Variants in EMILIN2 observed in about 807,000 individuals in gnomAD.
EMILIN2 encodes the protein elastin microfibril interfacer 2.
A neutral mutation model predicts 87.1 loss-of-function variants in EMILIN2; 71 were observed. That is an observed-to-expected ratio of 0.82 (90% confidence interval 0.67 to 0.99). The LOEUF is 0.99. Ranked by LOEUF, EMILIN2 falls within the 50% of genes least tolerant of loss-of-function variation. The pLI is 0.00. For missense variants in EMILIN2, 1,407 were observed against 1,371.8 expected (o/e 1.03, Z -0.40); for synonymous variants, 581 against 563.4 (o/e 1.03, Z -0.44).
At position 2,913,858 on chromosome 18, in the gene EMILIN2, G is replaced by A. The variant is rs752543389; in HGVS notation, c.*454G>A. 1.9e-4 allele frequency: 31 copies of A among 161,520 alleles called. No individual in the cohort carries two copies. The highest frequency in any genetic ancestry group is 3.3e-3 in the Middle Eastern group (1 of 300). The allele number at this position is 161,520 out of a possible 1,614,324, so 10.0% of individuals were successfully genotyped here. A position where few individuals can be genotyped will look rare whatever the true frequency, so the allele number is the denominator to read the frequency against. Reference sequence around the variant, plus strand: ...AAACACTGAAGTGCCGAAGTGGCCCGTGCCGCCGCACAGAGACCCCGACTT... The same window carrying A: ...AAACACTGAAGTGCCGAAGTGGCCCATGCCGCCGCACAGAGACCCCGACTT... On this transcript the variant is annotated 3_prime_UTR_variant, in exon 8 of 8. Coordinates refer to ENST00000254528, the MANE Select transcript of EMILIN2 (RefSeq NM_032048.3).
upstream of EMILIN2, chr18:2,846,795 A>G (rs1020020719): frequency 3.0e-6 from 3 of 985,310 alleles, no homozygotes; most frequent in Middle Eastern, 5.2e-4. The surrounding 1 kb of genome is among the most constrained non-coding windows in gnomAD (Gnocchi z 5.3). Flanking sequence ...GGAATGAGTC[A>G]TTGGAAATGC....
At chr18:2,903,989 C>A (rs756073974) in intron 4 of EMILIN2, among the ~76,000 whole-genome samples, 1 of 152,134 alleles carries the variant, frequency 6.6e-6, no homozygotes, top group Non-Finnish European at 1.5e-5. Context: ...TTTCCCAATA[C>A]CTTTTTAAGA....
At chr18:2,851,007 G>A (rs1159057729) in intron 2 of EMILIN2, among the ~76,000 whole-genome samples, 1 of 151,096 alleles carries the variant, frequency 6.6e-6, no homozygotes, top group Non-Finnish European at 1.5e-5. Flanking sequence ...TGCAGGCATT[G>A]TAATTTGTGT....
At position 2,848,229 on chromosome 18, in the gene EMILIN2, A is replaced by G. The variant is rs964158889; in HGVS notation, c.257+298A>G. The stretch of plus-strand genomic sequence containing the variant: ...TCCCACTTCTGTTTTCTCCCTTTCA[A>G]TGTTTGTTTGTAACATAAGGCAGCT... On this transcript the variant is annotated intron_variant, in intron 2 of 7. Transcript: ENST00000254528. The surrounding 1 kb of genome is among the most constrained non-coding windows in gnomAD (Gnocchi z 4.1). Among the ~76,000 whole-genome samples the G allele has an allele frequency of 6.6e-6, 1 of 152,134 alleles. No individual in the cohort carries two copies. Among genetic ancestry groups the G allele is most frequent in the African/African-American group, 2.4e-5 (1 of 41,426 alleles).
intron 3 of EMILIN2, among the ~76,000 whole-genome samples, chr18:2,888,549 A>G (rs1238850086): frequency 1.3e-5 from 2 of 152,012 alleles, no homozygotes; most frequent in Non-Finnish European, 2.9e-5. Flanking sequence ...CCCCATCTCT[A>G]CCAAAAATAC....
chr18:2,905,775 G>GTTTTTTTTTTTTTT (rs1006831509), intron 4 of EMILIN2, among the ~76,000 whole-genome samples: 1 of 92,714 alleles, frequency 1.1e-5, no homozygotes, highest in Non-Finnish European at 2.2e-5. Flanking sequence ...GCTAATTTTT[G>GTTTTTTTTTTTTTT]TTTTTTTGTT....
In EMILIN2 at chr18:2,847,139, T is replaced by C. The variant is rs1336709749; in HGVS notation, c.-50T>C. ...GGCAGCCTTGTGGCCGGTGCCCCGA[T>C]CCGCCGCGCTCCGGACCCGGGCAGG... On this transcript the variant is annotated 5_prime_UTR_variant, in exon 1 of 8. Coordinates refer to ENST00000254528, the MANE Select transcript of EMILIN2 (RefSeq NM_032048.3). This position sits in a 1 kb window ranked among gnomAD's most constrained non-coding sequence, Gnocchi z 4.5. 4.7e-6 allele frequency: 5 copies of C among 1,061,790 alleles called. No individual in the cohort carries two copies. Among genetic ancestry groups the C allele is most frequent in the Non-Finnish European group, 5.7e-6 (5 of 881,774 alleles). The allele number at this position is 1,061,790 out of a possible 1,614,324, so 65.8% of individuals were successfully genotyped here. A position where few individuals can be genotyped will look rare whatever the true frequency, so the allele number is the denominator to read the frequency against.
chr18:2,909,742 C>T lies in EMILIN2; in HGVS notation c.2747C>T (p.Pro916Leu). The T allele has an allele frequency of 6.2e-7, 1 of 1,613,818 alleles. No homozygotes were observed. Among genetic ancestry groups the T allele is most frequent in the Non-Finnish European group, 8.5e-7 (1 of 1,179,892 alleles). The part of the protein sequence containing the change: ...VSFSAGLTQK[P>L]FPSDGGVVLF... ...TTTTCTGCGGGGCTCACCCAGAAGC[C>T]TTTCCCCAGTGATGGGGGCGTTGTC... Residue 916 changes from proline to leucine, a missense_variant, in exon 7 of 8, where the codon CCT becomes CTT. Coordinates refer to ENST00000254528, the MANE Select transcript of EMILIN2 (RefSeq NM_032048.3).
At position 2,880,103 on chromosome 18, in the gene EMILIN2, C is replaced by A. The variant is rs974236919; in HGVS notation, c.258-4861C>A. ...TACAGTCTGGCAGGGAGGACAAACA[C>A]GGAGTAAGCAAACACAAGTGTGAAC... On this transcript the variant is annotated intron_variant, in intron 2 of 7. Coordinates refer to ENST00000254528, the MANE Select transcript of EMILIN2 (RefSeq NM_032048.3). The surrounding 1 kb of genome is among the most constrained non-coding windows in gnomAD (Gnocchi z 4.1). Among the ~76,000 whole-genome samples the A allele has an allele frequency of 1.3e-5, 2 of 152,144 alleles. No homozygotes were observed. Among genetic ancestry groups the A allele is most frequent in the Non-Finnish European group, 2.9e-5 (2 of 68,026 alleles).
At chr18:2,910,425 T>A (rs1007135491) in intron 7 of EMILIN2, among the ~76,000 whole-genome samples, 2 of 152,104 alleles carry the variant, frequency 1.3e-5, no homozygotes, top group Non-Finnish European at 2.9e-5. Flanking sequence ...TACCTCCGAG[T>A]TCCCTGTGTC....
intron 2 of EMILIN2, among the ~76,000 whole-genome samples, chr18:2,849,962 T>C (rs1255016646): frequency 6.6e-6 from 1 of 152,212 alleles, no homozygotes; most frequent in East Asian, 1.9e-4. Context: ...AGTCTTACCA[T>C]GTCACCCAAG....
rs9950607 is a variant in EMILIN2 at position 2,885,401 on chromosome 18, A to G, written c.433+262A>G. Among the ~76,000 whole-genome samples, 21,947 of 152,290 alleles carry G rather than the reference A, an allele frequency of 0.14. 1,945 individuals carry two copies. Among genetic ancestry groups the G allele is most frequent in the South Asian group, 0.3 (1,460 of 4,820 alleles). The stretch of plus-strand genomic sequence containing the variant: ...CTTAAACATCAGGGTAGGAAATGCC[A>G]GTGGGTTCAGACTTGTGTCACCTGG... On this transcript the variant is annotated intron_variant, in intron 3 of 7. Coordinates refer to ENST00000254528, the MANE Select transcript of EMILIN2 (RefSeq NM_032048.3).
In EMILIN2 at chr18:2,847,704, C is replaced by G; in HGVS notation, c.135-105C>G. On this transcript the variant is annotated intron_variant, in intron 1 of 7. Coordinates refer to ENST00000254528, the MANE Select transcript of EMILIN2 (RefSeq NM_032048.3). The surrounding 1 kb of genome is among the most constrained non-coding windows in gnomAD (Gnocchi z 4.5). Reference sequence around the variant, plus strand: ...TCCCGCCTCCGCAGAGGGCGACGGGCCCCCCCGACCCTCGCTCGGTCTGGT... The same window carrying G: ...TCCCGCCTCCGCAGAGGGCGACGGGGCCCCCCGACCCTCGCTCGGTCTGGT... 2.1e-6 allele frequency: 3 copies of G among 1,427,008 alleles called. No individual in the cohort carries two copies. Among genetic ancestry groups the G allele is most frequent in the South Asian group, 2.8e-5 (2 of 70,276 alleles). The allele number at this position is 1,427,008 out of a possible 1,614,324, so 88.4% of individuals were successfully genotyped here. A position where few individuals can be genotyped will look rare whatever the true frequency, so the allele number is the denominator to read the frequency against.
chr18:2,877,953 G>A (rs2144010984), intron 2 of EMILIN2, among the ~76,000 whole-genome samples: 1 of 152,310 alleles, frequency 6.6e-6, no homozygotes, highest in South Asian at 2.1e-4. Context: ...CAGTCGCAAA[G>A]AGACAAATAC....
intron 6 of EMILIN2, 106 bp from the exon 7 acceptor site, chr18:2,909,585 A>G: frequency 7.0e-7 from 1 of 1,419,914 alleles, no homozygotes; most frequent in Non-Finnish European, 9.6e-7. Context: ...GTGAAATAAA[A>G]TGGGCCTGGC....
intron 2 of EMILIN2, among the ~76,000 whole-genome samples, chr18:2,870,108 G>T (rs1397500472): frequency 6.6e-6 from 1 of 152,110 alleles, no homozygotes; most frequent in African/African-American, 2.4e-5. Flanking sequence ...GGGCGTGGTG[G>T]TGCACGCCTG....
At chr18:2,888,785 C>G (rs988353087) in intron 3 of EMILIN2, among the ~76,000 whole-genome samples, 1 of 151,020 alleles carries the variant, frequency 6.6e-6, no homozygotes, top group Non-Finnish European at 1.5e-5. Context: ...TTATTTGTAG[C>G]TCTCTGCAAA....
At chr18:2,857,828 C>G (rs540858043) in intron 2 of EMILIN2, among the ~76,000 whole-genome samples, 3 of 152,214 alleles carry the variant, frequency 2.0e-5, no homozygotes, top group Non-Finnish European at 4.4e-5. Flanking sequence ...CAGCTTTCAG[C>G]AGGAGCAGCA....
chr18:2,891,796 A>C lies in EMILIN2; in HGVS notation c.1669A>C (p.Ile557Leu). The change falls in exon 4 of 8, where the codon ATC becomes CTC. Residue 557 changes from isoleucine to leucine, a missense_variant. Transcript: ENST00000254528. The surrounding 1 kb of genome is among the most constrained non-coding windows in gnomAD (Gnocchi z 4.6). ...TGTTGAAGACATTTGCCTGCTGAACATCCAGGGAAAGCCTCATGGGATGGA... is the reference window on the plus strand; with the variant it reads ...TGTTGAAGACATTTGCCTGCTGAACCTCCAGGGAAAGCCTCATGGGATGGA... Reference protein sequence around the residue: ...QVVEDICLLNIQGKPHGMEGA... With the variant: ...QVVEDICLLNLQGKPHGMEGA... 6.2e-7 allele frequency: 1 copy of C among 1,614,218 alleles called. No homozygotes were observed. The highest frequency in any genetic ancestry group is 1.3e-5 in the African/African-American group (1 of 75,058).
Sources: allele counts gnomAD v4.1 joint callset (sites outside exome capture counted in the v4.1 genomes callset), GRCh38; gene constraint gnomAD v4.1.1; non-coding constraint Gnocchi (gnomAD v3.1); transcripts MANE v1.5; gene names NCBI Gene and HGNC (gene_info 2026-07-23, HGNC 2026-07-21).